RCC2: variants seen among roughly 807,000 people sequenced by gnomAD.
The protein encoded by RCC2 is protein RCC2.
A neutral mutation model predicts 64.1 loss-of-function variants in RCC2; 19 were observed. The ratio of observed to expected loss-of-function variants is 0.30; its 90% CI spans 0.21 to 0.44. The LOEUF is 0.44. RCC2 is among the 20% of genes least tolerant of loss of function. The pLI is 1.00. For synonymous variants in RCC2, 325 were observed against 279.6 expected, an observed-to-expected ratio of 1.16 and a Z score of -1.62; for missense variants, 508 against 710.4, an observed-to-expected ratio of 0.72 and a Z score of 3.24.
At chr1:17,427,616 C>A (rs2100382549) in intron 3 of RCC2, among the ~76,000 whole-genome samples, 1 of 152,248 alleles carries the variant, frequency 6.6e-6, no homozygotes, top group African/African-American at 2.4e-5. Context: ...CGACCCTGTG[C>A]CGCAACACAG....
At chr1:17,414,373 C>G (rs2075457966) in intron 8 of RCC2, among the ~76,000 whole-genome samples, 1 of 151,604 alleles carries the variant, frequency 6.6e-6, no homozygotes, top group Non-Finnish European at 1.5e-5. Context: ...TACTAAAATA[C>G]AAAAAAATTA....
At chr1:17,432,936 C>T (rs920035143) in intron 2 of RCC2, among the ~76,000 whole-genome samples, 3 of 150,448 alleles carry the variant, frequency 2.0e-5, no homozygotes, top group African/African-American at 4.9e-5. Flanking sequence ...CCAGACTGGG[C>T]GAAAGAGCGA....
chr1:17,409,622 G>A (rs1163031570), intron 12 of RCC2, among the ~76,000 whole-genome samples: 2 of 152,234 alleles, frequency 1.3e-5, no homozygotes, highest in Admixed American at 6.5e-5. Flanking sequence ...CTGCAGCCAC[G>A]CAGCCTCTAC....
At chr1:17,437,472 G>A (rs1387363539) in intron 2 of RCC2, among the ~76,000 whole-genome samples, 1 of 152,174 alleles carries the variant, frequency 6.6e-6, no homozygotes, top group African/African-American at 2.4e-5. Context: ...TTTCGGGAAC[G>A]TTAACTTGAG....
At position 17,408,068 on chromosome 1, in the gene RCC2, C is replaced by T. The variant is rs758952761; in HGVS notation, c.*1022G>A. 3 of 152,224 alleles carry T rather than the reference C, an allele frequency of 2.0e-5. No individual in the cohort carries two copies. Among genetic ancestry groups the T allele is most frequent in the East Asian group, 1.9e-4 (1 of 5,194 alleles). 9.4% of individuals were successfully genotyped at this position (152,224 alleles called of 1,614,324 possible). On this transcript the variant is annotated 3_prime_UTR_variant, in exon 13 of 13. Coordinates refer to ENST00000375436, the MANE Select transcript of RCC2 (RefSeq NM_018715.4). ...CTATTTGGTACCAGAGCCAAGCAAA[C>T]GTGACTAAAGGGAGCTGGGTCAGCA...
intron 2 of RCC2, among the ~76,000 whole-genome samples, chr1:17,435,102 G>T (rs1309855104): frequency 6.6e-6 from 1 of 152,196 alleles, no homozygotes; most frequent in African/African-American, 2.4e-5. Flanking sequence ...GACTCCATCT[G>T]GGGTGGGGGG....
At chr1:17,433,435 G>A (rs2100394462) in intron 2 of RCC2, among the ~76,000 whole-genome samples, 1 of 152,378 alleles carries the variant, frequency 6.6e-6, no homozygotes, top group African/African-American at 2.4e-5. Flanking sequence ...GGGCAGGGCG[G>A]GGGTGCCAGT....
Position 17,416,607 on chromosome 1 carries a change from C to T in RCC2, c.899G>A (p.Arg300Gln). The T allele has an allele frequency of 6.2e-7, 1 of 1,613,844 alleles. No individual in the cohort carries two copies. ...AACTAGTTCACAGTCGTACTCTATC[C>T]GCTGTGCCCGGGCGATGAACTTCCC... Reference protein sequence around the residue: ...SDGKFIARAQRIEYDCELVPR... With the variant: ...SDGKFIARAQQIEYDCELVPR... The change falls in exon 8 of 13, where the codon CGG becomes CAG. Residue 300 changes from arginine to glutamine, a missense_variant. Arg to Gln is a conservative substitution (Grantham distance 43, BLOSUM62 1). This residue lies in a region of RCC2 where 179 missense variants were observed against 322.0 expected (regional missense o/e 0.56). Transcript: ENST00000375436.
Position 17,434,684 on chromosome 1 carries a change from C to G in RCC2, c.285+3546G>C, listed in dbSNP as rs145747428. Among the ~76,000 whole-genome samples the G allele has an allele frequency of 7.1e-4, 108 of 152,272 alleles. 1 individual carries two copies. Among genetic ancestry groups the G allele is most frequent in the African/African-American group, 2.5e-3 (102 of 41,552 alleles). On this transcript the variant is annotated intron_variant, in intron 2 of 12. Coordinates refer to ENST00000375436, the MANE Select transcript of RCC2 (RefSeq NM_018715.4). The stretch of plus-strand genomic sequence containing the variant: ...AGGACAGTCTTGGGGACTGAGCCCT[C>G]AAGATGAGGAAATCTACCTCCAGGT...
At chr1:17,437,099 T>C (rs2075742764) in intron 2 of RCC2, among the ~76,000 whole-genome samples, 1 of 152,208 alleles carries the variant, frequency 6.6e-6, no homozygotes, top group African/African-American at 2.4e-5. Flanking sequence ...TCCAGTTCCA[T>C]CCATGACTTT....
At chr1:17,409,647 G>A (rs374035198) in intron 12 of RCC2, among the ~76,000 whole-genome samples, 3 of 152,230 alleles carry the variant, frequency 2.0e-5, no homozygotes, top group African/African-American at 7.2e-5. Context: ...TGGACCTGCG[G>A]ACCTGCCTCC....
At chr1:17,417,184 A>G (rs1300091311) in intron 7 of RCC2, among the ~76,000 whole-genome samples, 1 of 152,212 alleles carries the variant, frequency 6.6e-6, no homozygotes, top group Admixed American at 6.5e-5. Flanking sequence ...GGGTGGCTAA[A>G]GCCTGCAATT....
intron 7 of RCC2, among the ~76,000 whole-genome samples, chr1:17,417,685 AAAAAAAACAAAC>A (rs557290562): frequency 7.2e-4 from 109 of 151,794 alleles, no homozygotes; most frequent in African/African-American, 2.6e-3. Context: ...TCTGTCTCCA[AAAAAAAACAAAC>A]AAAAAAACTT....
chr1:17,433,042 A>G (rs944993340), intron 2 of RCC2, among the ~76,000 whole-genome samples: 1 of 152,200 alleles, frequency 6.6e-6, no homozygotes, highest in Non-Finnish European at 1.5e-5. Context: ...ACACATATAC[A>G]TACGTGTGTA....
chr1:17,431,515 A>G (rs1268872379), intron 2 of RCC2, among the ~76,000 whole-genome samples: 2 of 145,432 alleles, frequency 1.4e-5, no homozygotes, highest in Non-Finnish European at 3.0e-5. Flanking sequence ...AAAAAAAAAA[A>G]AAAAAAGAAA....
Position 17,416,541 on chromosome 1 carries a change from C to T in RCC2, c.965G>A (p.Gly322Glu). 1 of 1,613,984 alleles carries T rather than the reference C, an allele frequency of 6.2e-7. No homozygotes were observed. The highest frequency in any genetic ancestry group is 8.5e-7 in the Non-Finnish European group (1 of 1,180,040). The change falls in exon 8 of 13, where the codon GGA (glycine) becomes GAA (glutamate). Residue 322 changes from glycine to glutamate, a missense_variant. Physicochemically the swap from Gly to Glu is moderately conservative, Grantham distance 98. Coordinates refer to ENST00000375436, the MANE Select transcript of RCC2 (RefSeq NM_018715.4). ...VAIFIEKTKD[G>E]QILPVPNVVV... ...CACGTTTGGTACAGGCAGAATCTGT[C>T]CATCTTTCGTCTTCTCAATGAAGAT...
At chr1:17,423,142 C>T (rs944549337) in intron 4 of RCC2, among the ~76,000 whole-genome samples, 2 of 152,162 alleles carry the variant, frequency 1.3e-5, no homozygotes, top group Non-Finnish European at 2.9e-5. Flanking sequence ...CATGCACAGG[C>T]GGGCATGCTC....
chr1:17,436,070 T>C (rs1271417554), intron 2 of RCC2, among the ~76,000 whole-genome samples: 1 of 152,182 alleles, frequency 6.6e-6, no homozygotes, highest in Admixed American at 6.5e-5. Flanking sequence ...TGGGCCCCTG[T>C]TGGTTTTAAG....
chr1:17,415,697 G>T (rs1213540928), intron 8 of RCC2, among the ~76,000 whole-genome samples: 3 of 150,532 alleles, frequency 2.0e-5, no homozygotes, highest in Non-Finnish European at 4.4e-5. Context: ...GTGAAAAAGT[G>T]AAACTCCGCC....
Sources: gnomAD v4.1 joint callset for allele counts (sites outside exome capture counted in the v4.1 genomes callset) on GRCh38, gnomAD v4.1.1 for gene constraint, gnomAD v4.1.1 regional missense constraint, MANE v1.5 for transcripts, NCBI Gene and HGNC (gene_info 2026-07-23, HGNC 2026-07-21) for gene names.